AGMO: variants seen among roughly 807,000 people sequenced by gnomAD.
AGMO encodes the protein glyceryl-ether monooxygenase.
Under a neutral mutation model 60.2 loss-of-function variants are expected in AGMO, and 75 were observed. The observed-to-expected ratio is 1.25, with a 90% CI of 1.03 to 1.51. The LOEUF is 1.51. Ranked by LOEUF, AGMO falls within the 40% of genes most tolerant of loss-of-function variation. The probability of loss-of-function intolerance (pLI) is 0.00; values close to 1 mark genes in which losing one functional copy is unlikely to be tolerated. For synonymous variants in AGMO, 261 were observed against 177.1 expected (o/e 1.47, Z -3.76); for missense variants, 763 against 525.5 (o/e 1.45, Z -4.42).
intron 12 of AGMO, among the ~76,000 whole-genome samples, chr7:15,250,304 T>C (rs1782892215): frequency 6.6e-6 from 1 of 152,162 alleles, no homozygotes; most frequent in African/African-American, 2.4e-5. Flanking sequence ...CACTCAAGAC[T>C]AGACAATTAG....
At chr7:15,155,326 A>T in the AGMO span, among the ~76,000 whole-genome samples, 32,796 of 147,230 alleles carry the variant, frequency 0.22, 3,693 homozygotes, top group African/African-American at 0.29. Context: ...TTATCTGCCT[A>T]TGTTGATTCG....
At chr7:15,414,441 G>C (rs1244911626) in intron 5 of AGMO, among the ~76,000 whole-genome samples, 1 of 151,468 alleles carries the variant, frequency 6.6e-6, no homozygotes, top group Non-Finnish European at 1.5e-5. Flanking sequence ...AGATATGATA[G>C]GAATGCATAT....
chr7:15,352,917 T>G (rs1410078254), intron 12 of AGMO, among the ~76,000 whole-genome samples: 1 of 152,186 alleles, frequency 6.6e-6, no homozygotes. Context: ...TAAGATTGTG[T>G]TTACTTTCAT....
At chr7:15,511,151 C>G (rs1783661202) in intron 3 of AGMO, among the ~76,000 whole-genome samples, 1 of 152,178 alleles carries the variant, frequency 6.6e-6, no homozygotes, top group East Asian at 1.9e-4. Flanking sequence ...ATCCTGGCAG[C>G]TCAGGGCACA....
chr7:15,247,414 T>TCA (rs71525649), intron 12 of AGMO, among the ~76,000 whole-genome samples: 7,797 of 123,572 alleles, frequency 0.063, 281 homozygotes, highest in East Asian at 0.093. Context: ...CTTGGAGATT[T>TCA]CACACACACA....
At chr7:15,370,734 C>T (rs1397181858) in intron 10 of AGMO, among the ~76,000 whole-genome samples, 3 of 151,890 alleles carry the variant, frequency 2.0e-5, no homozygotes, top group Non-Finnish European at 2.9e-5. Context: ...TTTAATGTGG[C>T]TATTTGTTTT....
chr7:15,433,015 C>T (rs763744227), intron 3 of AGMO, among the ~76,000 whole-genome samples: 4 of 152,038 alleles, frequency 2.6e-5, no homozygotes, highest in African/African-American at 4.8e-5. Flanking sequence ...CTCTTTAGAA[C>T]ATACCCACTG....
At chr7:15,192,381 G>A in the AGMO span, among the ~76,000 whole-genome samples, 2 of 152,000 alleles carry the variant, frequency 1.3e-5, no homozygotes, top group South Asian at 4.2e-4. Context: ...TCTGAACACT[G>A]AGAGGAGTTC....
At chr7:15,188,792 T>C in the AGMO span, among the ~76,000 whole-genome samples, 3 of 152,058 alleles carry the variant, frequency 2.0e-5, no homozygotes, top group African/African-American at 7.2e-5. Context: ...CAGATGCTAC[T>C]GAGAAGACAA....
chr7:15,440,206 A>G (rs956448848), intron 3 of AGMO, among the ~76,000 whole-genome samples: 8 of 152,154 alleles, frequency 5.3e-5, no homozygotes, highest in Non-Finnish European at 1.2e-4. Context: ...ATGATGAGTT[A>G]TATGTCTTTA....
chr7:15,455,062 T>G (rs1164334931), intron 3 of AGMO, among the ~76,000 whole-genome samples: 2 of 142,214 alleles, frequency 1.4e-5, no homozygotes, highest in South Asian at 2.3e-4. Flanking sequence ...TGCTTGCATT[T>G]TCTTTCTCTC....
At chr7:15,346,885 A>G (rs1412834642) in intron 12 of AGMO, among the ~76,000 whole-genome samples, 1 of 151,102 alleles carries the variant, frequency 6.6e-6, no homozygotes, top group African/African-American at 2.4e-5. Context: ...CTAAATTTAT[A>G]TTTTATGTAT....
chr7:15,337,354 G>A (rs555858659), intron 12 of AGMO, among the ~76,000 whole-genome samples: 1 of 152,198 alleles, frequency 6.6e-6, no homozygotes, highest in South Asian at 2.1e-4. Context: ...TCTCAATCAT[G>A]CCCGAGAAAG....
Position 15,424,651 on chromosome 7 carries a change from C to G in AGMO, c.514-5998G>C, listed in dbSNP as rs542313403. Among the ~76,000 whole-genome samples the G allele has an allele frequency of 5.5e-4, 84 of 152,292 alleles. 1 individual carries two copies. The South Asian group carries it at 0.017, about 31-fold the overall frequency. On this transcript the variant is annotated intron_variant, in intron 4 of 12. Transcript: ENST00000342526. ...TCTTTGATACTAGCAATGATTCAAA[C>G]TATCCAAGAGCCTCATTTCTTTAAT... is the stretch of plus-strand genomic sequence containing the variant.
chr7:15,306,177 A>G, intron 12 of AGMO: 1 of 200,486 alleles, frequency 5.0e-6, no homozygotes, highest in South Asian at 7.4e-5. Context: ...CATTGTACTC[A>G]TCTTAAATGG....
chr7:15,383,429 A>T (rs1783773540), intron 10 of AGMO, among the ~76,000 whole-genome samples: 2 of 151,592 alleles, frequency 1.3e-5, no homozygotes, highest in Admixed American at 6.6e-5. Context: ...AAAAAACAAT[A>T]AAAAAAAGTC....
intron 3 of AGMO, among the ~76,000 whole-genome samples, chr7:15,519,492 G>A (rs906330462): frequency 1.3e-5 from 2 of 152,112 alleles, no homozygotes; most frequent in East Asian, 3.9e-4. Context: ...AAGAGAGTGA[G>A]GGCCAACATT....
chr7:15,156,069 T>C, the AGMO span, among the ~76,000 whole-genome samples: 2 of 152,064 alleles, frequency 1.3e-5, no homozygotes, highest in African/African-American at 4.8e-5. Flanking sequence ...CTGCTGGTAA[T>C]AGTGCTCCAG....
the AGMO span, among the ~76,000 whole-genome samples, chr7:15,118,693 C>A: frequency 6.6e-6 from 1 of 151,974 alleles, no homozygotes; most frequent in Admixed American, 6.6e-5. Flanking sequence ...ATTATCTCTG[C>A]TAAAGGAAGC....
Sources: gnomAD v4.1 joint callset for allele counts (sites outside exome capture counted in the v4.1 genomes callset) on GRCh38, gnomAD v4.1.1 for gene constraint, MANE v1.5 for transcripts, NCBI Gene and HGNC (gene_info 2026-07-23, HGNC 2026-07-21) for gene names.